Variants in TSHZ2 observed in about 807,000 individuals in gnomAD.
The protein encoded by TSHZ2 is teashirt homolog 2.
In TSHZ2, 21 loss-of-function variants were observed where a neutral mutation model predicts 74.4. The observed-to-expected ratio is 0.28, with a 90% confidence interval of 0.20 to 0.41. The LOEUF (loss-of-function observed/expected upper bound fraction) is 0.41. Ranked by LOEUF, TSHZ2 falls within the 10% of genes least tolerant of loss-of-function variation. TSHZ2 has a pLI of 1.00. For missense variants in TSHZ2, 1,244 were observed against 1,293.5 expected, an observed-to-expected ratio of 0.96 and a Z score of 0.59; for synonymous variants, 540 against 515.3, an observed-to-expected ratio of 1.05 and a Z score of -0.65.
chr20:53,412,217 T>C (rs973735937), intron 2 of TSHZ2, among the ~76,000 whole-genome samples: 1 of 152,114 alleles, frequency 6.6e-6, no homozygotes, highest in Non-Finnish European at 1.5e-5. Flanking sequence ...AGTGGGAAAT[T>C]GGAGAAGGGC....
chr20:53,394,309 T>G (rs1178482687), intron 2 of TSHZ2, among the ~76,000 whole-genome samples: 1 of 152,254 alleles, frequency 6.6e-6, no homozygotes, highest in East Asian at 1.9e-4. Flanking sequence ...AACAAGTGAC[T>G]GTCTCAAAGA....
chr20:53,397,550 T>C (rs982596959), intron 2 of TSHZ2: 2 of 152,188 alleles, frequency 1.3e-5, no homozygotes, highest in African/African-American at 4.8e-5. Context: ...AGTTCAACCA[T>C]TGTGGAAGAC....
chr20:53,451,666 A>G (rs1007616120), intron 2 of TSHZ2, among the ~76,000 whole-genome samples: 2 of 152,210 alleles, frequency 1.3e-5, no homozygotes, highest in African/African-American at 4.8e-5. Context: ...ACTCACCAGC[A>G]CACATGTAGA....
chr20:53,203,368 T>A (rs1051433735), intron 1 of TSHZ2, among the ~76,000 whole-genome samples: 2 of 152,044 alleles, frequency 1.3e-5, no homozygotes, highest in Non-Finnish European at 2.9e-5. Flanking sequence ...CTAATTTTTG[T>A]ATTTTTAGTA....
At chr20:53,110,334 C>T (rs1018131343) in intron 1 of TSHZ2, among the ~76,000 whole-genome samples, 3 of 152,094 alleles carry the variant, frequency 2.0e-5, no homozygotes, top group East Asian at 3.9e-4. Context: ...AATTCCCATA[C>T]ATGTTCCAAT....
chr20:53,122,973 G>T (rs1323199731), intron 1 of TSHZ2, among the ~76,000 whole-genome samples: 1 of 152,056 alleles, frequency 6.6e-6, no homozygotes, highest in Non-Finnish European at 1.5e-5. Context: ...GGAGGTACTG[G>T]GTATTTCCGC....
chr20:53,253,587 G>A lies in TSHZ2; in HGVS notation c.129G>A (p.Gln43=). The change falls in exon 2 of 3, where the codon CAG becomes CAA. Residue 43 remains glutamine (Q), a synonymous_variant. Transcript: ENST00000371497. ...ACAGCGGTTCAGTAGCTCAACTGCA[G>A]GGTGGCAATGACACAGGGACGGACG... The part of the protein sequence containing the change: ...EEDSGSVAQL[Q]GGNDTGTDEE... 1 of 1,614,156 alleles carries A rather than the reference G, an allele frequency of 6.2e-7. No individual in the cohort carries two copies.
intron 1 of TSHZ2, among the ~76,000 whole-genome samples, chr20:53,176,918 C>A (rs1448972413): frequency 6.6e-6 from 1 of 152,254 alleles, no homozygotes; most frequent in Admixed American, 6.5e-5. Context: ...AACTCTTGAC[C>A]TTGTGATCCA....
chr20:53,207,492 C>T (rs1409381136), intron 1 of TSHZ2, among the ~76,000 whole-genome samples: 2 of 152,108 alleles, frequency 1.3e-5, no homozygotes, highest in African/African-American at 2.4e-5. Context: ...ATGCCCTCAG[C>T]TGCCCATCTT....
chr20:53,120,107 T>C (rs1196519984), intron 1 of TSHZ2, among the ~76,000 whole-genome samples: 1 of 152,256 alleles, frequency 6.6e-6, no homozygotes, highest in African/African-American at 2.4e-5. Flanking sequence ...GATTCAACAC[T>C]GTTTCCATCC....
chr20:53,179,465 C>A (rs1031728696), intron 1 of TSHZ2: 2 of 152,216 alleles, frequency 1.3e-5, no homozygotes, highest in African/African-American at 2.4e-5. Context: ...TGCTAGGATG[C>A]CAAAGGATCC....
chr20:53,172,514 GAGAAA>G (rs1179486937), intron 1 of TSHZ2, among the ~76,000 whole-genome samples: 1 of 152,108 alleles, frequency 6.6e-6, no homozygotes, highest in African/African-American at 2.4e-5. Context: ...AGAAATAAGA[GAGAAA>G]AGAAAAAGTT....
At chr20:53,120,239 C>T (rs769598714) in intron 1 of TSHZ2, among the ~76,000 whole-genome samples, 12 of 152,124 alleles carry the variant, frequency 7.9e-5, no homozygotes, top group African/African-American at 2.2e-4. Context: ...GTTTGAAGTG[C>T]GTCTCTTTTC....
chr20:53,422,397 T>A (rs1983506295), intron 2 of TSHZ2, among the ~76,000 whole-genome samples: 1 of 152,160 alleles, frequency 6.6e-6, no homozygotes, highest in South Asian at 2.1e-4. Context: ...CTAAGATGAT[T>A]CTTATCAGAT....
intron 1 of TSHZ2, among the ~76,000 whole-genome samples, chr20:53,039,999 G>A (rs958696654): frequency 1.2e-4 from 19 of 152,038 alleles, no homozygotes; most frequent in African/African-American, 3.1e-4. Context: ...CCAGCCACTC[G>A]GGAGGTTGAG....
chr20:53,117,807 C>T (rs560415166), intron 1 of TSHZ2, among the ~76,000 whole-genome samples: 2 of 152,202 alleles, frequency 1.3e-5, no homozygotes, highest in Non-Finnish European at 2.9e-5. Context: ...AAGTAGCTCT[C>T]TGTTCCCATC....
chr20:53,342,162 A>C (rs917646667), intron 2 of TSHZ2, among the ~76,000 whole-genome samples: 1 of 152,162 alleles, frequency 6.6e-6, no homozygotes, highest in African/African-American at 2.4e-5. Context: ...ATTATGAACC[A>C]AAATCCATAC....
intron 1 of TSHZ2, among the ~76,000 whole-genome samples, chr20:52,983,858 C>A (rs946468253): frequency 6.6e-6 from 1 of 152,218 alleles, no homozygotes. Context: ...CCTGCGCGCT[C>A]TCCAAGTGGT....
chr20:53,103,977 A>T (rs538685451), intron 1 of TSHZ2, among the ~76,000 whole-genome samples: 5 of 152,294 alleles, frequency 3.3e-5, no homozygotes, highest in Admixed American at 3.3e-4. Flanking sequence ...TGGACTTTTA[A>T]TGACTTCAGT....
Sources: allele counts gnomAD v4.1 joint callset (sites outside exome capture counted in the v4.1 genomes callset), GRCh38; gene constraint gnomAD v4.1.1; transcripts MANE v1.5; gene names NCBI Gene and HGNC (gene_info 2026-07-23, HGNC 2026-07-21).